Variants in LRP8 observed in about 807,000 individuals in gnomAD.
LRP8 encodes the protein LDL receptor related protein 8, also known as low-density lipoprotein receptor-related protein 8.
LRP8 carries 46 observed loss-of-function variants against 111.6 expected under a neutral mutation model. That is an observed-to-expected ratio of 0.41 (90% CI 0.33 to 0.53). The LOEUF is 0.53. Among genes scored for constraint, LRP8 ranks in the 20% least tolerant of loss-of-function variants. The pLI is 0.20. For synonymous variants in LRP8, 464 were observed against 511.2 expected, an observed-to-expected ratio of 0.91 and a Z score of 1.24; for missense variants, 959 against 1,297.4, an observed-to-expected ratio of 0.74 and a Z score of 4.01.
intron 8 of LRP8, 142 bp downstream of exon 8, chr1:53,270,886 A>T: frequency 8.4e-7 from 1 of 1,187,404 alleles, no homozygotes; most frequent in Non-Finnish European, 1.2e-6. Context: ...TAGACAAGGG[A>T]CCGAGGATTC....
Position 53,257,478 on chromosome 1 carries a change from A to G in LRP8, c.2210-14T>C, listed in dbSNP as rs1320213478. The G allele has an allele frequency of 6.2e-7, 1 of 1,603,134 alleles. No individual in the cohort carries two copies. Among genetic ancestry groups the G allele is most frequent in the South Asian group, 1.1e-5 (1 of 90,720 alleles). ...TAGATTGAGGTGCTGGAGGGGAAAT[A>G]CCATGGAGGTCACTTGGACAGATAA... On this transcript the variant is annotated splice_polypyrimidine_tract_variant and intron_variant, in intron 14 of 18. Transcript: ENST00000306052.
chr1:53,304,354 CA>C (rs1651554618), intron 2 of LRP8, among the ~76,000 whole-genome samples: 2 of 152,204 alleles, frequency 1.3e-5, no homozygotes, highest in Admixed American at 1.3e-4. Flanking sequence ...GGCCCACGCG[CA>C]GCCACTGGAC....
At chr1:53,304,187 C>A (rs1651522183) in intron 2 of LRP8, among the ~76,000 whole-genome samples, 1 of 152,220 alleles carries the variant, frequency 6.6e-6, no homozygotes, top group African/African-American at 2.4e-5. Flanking sequence ...CTCAACATTG[C>A]TCCAAGTGAA....
chr1:53,320,360 A>G (rs572625024), intron 2 of LRP8, among the ~76,000 whole-genome samples: 1 of 152,318 alleles, frequency 6.6e-6, no homozygotes, highest in East Asian at 1.9e-4. Flanking sequence ...GGGGAAGCAC[A>G]TACAGTTCTG....
chr1:53,273,470 A>G (rs1204006042), intron 6 of LRP8, among the ~76,000 whole-genome samples: 3 of 152,230 alleles, frequency 2.0e-5, no homozygotes, highest in African/African-American at 7.2e-5. Flanking sequence ...CCTCTCACCA[A>G]CACAGAGACA....
chr1:53,251,000 G>A lies in LRP8; in HGVS notation c.2504-138C>T. On this transcript the variant is annotated intron_variant, in intron 16 of 18. Coordinates refer to ENST00000306052, the MANE Select transcript of LRP8 (RefSeq NM_004631.5). This position sits in a 1 kb window ranked among gnomAD's most constrained non-coding sequence, Gnocchi z 4.6. Reference sequence around the variant, plus strand: ...TGTTTCTGCATGTTCTTTTACTGCTGTTTGAAAGCCCATCTCTCATCCCTT... The same window carrying A: ...TGTTTCTGCATGTTCTTTTACTGCTATTTGAAAGCCCATCTCTCATCCCTT... The A allele has an allele frequency of 2.9e-6, 2 of 678,466 alleles. No individual in the cohort carries two copies. The highest frequency in any genetic ancestry group is 3.7e-5 in the South Asian group (2 of 54,770). 42.0% of individuals were successfully genotyped at this position (678,466 alleles called of 1,614,324 possible). A position where few individuals can be genotyped will look rare whatever the true frequency, so the allele number is the denominator to read the frequency against.
At chr1:53,256,929 T>C (rs562327166) in intron 15 of LRP8, among the ~76,000 whole-genome samples, 1 of 152,236 alleles carries the variant, frequency 6.6e-6, no homozygotes, top group African/African-American at 2.4e-5. Flanking sequence ...CCTCCAGTTA[T>C]ACCGGTTACA....
At position 53,262,088 on chromosome 1, in the gene LRP8, A is replaced by G; in HGVS notation, c.1894T>C (p.Phe632Leu). ...ISSTDFLSHP[F>L]GIAVFEDKVF... ...CTCACCTCAAACACAGCTATCCCAA[A>G]AGGGTGGCTCAGGAAGTCAGTGGAG... Residue 632 changes from phenylalanine (F) to leucine (L), a missense_variant, in exon 12 of 19, where the codon TTT (phenylalanine) becomes CTT (leucine). Phe to Leu is a conservative substitution (Grantham distance 22). This residue lies in a region of LRP8 where 819 missense variants were observed against 1,097.6 expected (regional missense o/e 0.75). Transcript: ENST00000306052. This position sits in a 1 kb window ranked among gnomAD's most constrained non-coding sequence, Gnocchi z 4.8. The G allele has an allele frequency of 6.2e-7, 1 of 1,614,178 alleles. No homozygotes were observed. Among genetic ancestry groups the G allele is most frequent in the Non-Finnish European group, 8.5e-7 (1 of 1,180,034 alleles).
At chr1:53,269,927 T>C (rs1646708615) in intron 8 of LRP8, among the ~76,000 whole-genome samples, 1 of 152,212 alleles carries the variant, frequency 6.6e-6, no homozygotes, top group Non-Finnish European at 1.5e-5. Flanking sequence ...ATGAATTAAT[T>C]CTGCTGGCTG....
chr1:53,258,170 T>TA, intron 14 of LRP8, 149 bp downstream of exon 14: 1 of 697,606 alleles, frequency 1.4e-6, no homozygotes, highest in East Asian at 3.0e-5. Context: ...TCAAGGAAGG[T>TA]AAAAAAGAGA....
At chr1:53,310,144 G>A (rs1345175122) in intron 2 of LRP8, among the ~76,000 whole-genome samples, 1 of 152,158 alleles carries the variant, frequency 6.6e-6, no homozygotes, top group Admixed American at 6.5e-5. Context: ...GACTACCCCA[G>A]TTGGAGTCTT....
rs960452763 is a variant in LRP8, at chr1:53,243,250, G to A, written c.*3768C>T. ...CCAGTGCCCAACTGGACAGTGATTA[G>A]TATCCCCTCTCCAGACTCAACGTCT... On this transcript the variant is annotated 3_prime_UTR_variant, in exon 19 of 19. Transcript: ENST00000306052. 2.0e-5 allele frequency: 3 copies of A among 152,078 alleles called. No homozygotes were observed. Among genetic ancestry groups the A allele is most frequent in the Admixed American group, 6.5e-5 (1 of 15,268 alleles). 9.4% of individuals were successfully genotyped at this position (152,078 alleles called of 1,614,324 possible).
intron 14 of LRP8, chr1:53,257,900 C>T (rs911985194): frequency 4.5e-5 from 10 of 221,982 alleles, no homozygotes; most frequent in Non-Finnish European, 9.0e-5. Context: ...TCTGTGTATG[C>T]GGTTGAAGTA....
Position 53,246,991 on chromosome 1 carries a change from T to C in LRP8, c.*27A>G, listed in dbSNP as rs1204839011. 3.1e-6 allele frequency: 5 copies of C among 1,603,700 alleles called. No individual in the cohort carries two copies. The highest frequency in any genetic ancestry group is 1.3e-5 in the African/African-American group (1 of 74,538). The stretch of plus-strand genomic sequence containing the variant: ...GTGTAGTGCATGGGACTGAATTCCA[T>C]GAGGCACGAAGGGGGTGATCCCATC... On this transcript the variant is annotated 3_prime_UTR_variant, in exon 19 of 19. Coordinates refer to ENST00000306052, the MANE Select transcript of LRP8 (RefSeq NM_004631.5).
At chr1:53,327,137 A>C in intron 1 of LRP8, 145 bp from the exon 2 acceptor site, 1 of 1,116,334 alleles carries the variant, frequency 9.0e-7, no homozygotes, top group Non-Finnish European at 1.2e-6. Flanking sequence ...CACTCCATCC[A>C]AAGGGAGGGC....
chr1:53,314,745 G>A (rs527263995), intron 2 of LRP8, among the ~76,000 whole-genome samples: 201 of 152,290 alleles, frequency 1.3e-3, no homozygotes, highest in African/African-American at 4.6e-3. Context: ...GGAAACTCCT[G>A]CACTGGGATG....
intron 16 of LRP8, among the ~76,000 whole-genome samples, chr1:53,251,419 G>C (rs1169830646): frequency 6.6e-6 from 1 of 151,964 alleles, no homozygotes; most frequent in Non-Finnish European, 1.5e-5. Context: ...ACCTGAAGAA[G>C]AACATCTCTA....
intron 2 of LRP8, among the ~76,000 whole-genome samples, chr1:53,316,973 GTATGGGA>G (rs1653892921): frequency 6.6e-6 from 1 of 152,158 alleles, no homozygotes; most frequent in Non-Finnish European, 1.5e-5. Context: ...GACTTAGCGG[GTATGGGA>G]GAAGAGTGTC....
At chr1:53,322,896 T>G (rs1041418926) in intron 2 of LRP8, among the ~76,000 whole-genome samples, 1 of 152,142 alleles carries the variant, frequency 6.6e-6, no homozygotes, top group African/African-American at 2.4e-5. Context: ...GCCCAGCTAA[T>G]GAACTCTCAG....
Sources: allele counts gnomAD v4.1 joint callset (sites outside exome capture counted in the v4.1 genomes callset), GRCh38; gene constraint gnomAD v4.1.1; regional missense constraint gnomAD v4.1.1; non-coding constraint Gnocchi (gnomAD v3.1); transcripts MANE v1.5; gene names NCBI Gene and HGNC (gene_info 2026-07-23, HGNC 2026-07-21).